Variants in FOXP2 observed in about 807,000 individuals in gnomAD.
FOXP2 encodes forkhead box P2, also known as forkhead box protein P2.
Under a neutral mutation model 115.8 loss-of-function variants are expected in FOXP2, and 12 were observed. That is an observed-to-expected ratio of 0.10 (90% confidence interval 0.07 to 0.17). The LOEUF is 0.17. Among genes scored for constraint, FOXP2 ranks in the 10% least tolerant of loss-of-function variants. The pLI is 1.00. For synonymous variants in FOXP2, 328 were observed against 297.7 expected (o/e 1.10, Z -1.05); for missense variants, 629 against 843.5 (o/e 0.75, Z 3.15).
intron 1 of FOXP2, among the ~76,000 whole-genome samples, chr7:114,229,892 G>T (rs1794832013): frequency 2.0e-5 from 3 of 151,118 alleles, no homozygotes; most frequent in South Asian, 4.2e-4. Flanking sequence ...AATCATGAAG[G>T]TTACAGCAGA....
chr7:114,617,709 C>T (rs1424555817), intron 3 of FOXP2, among the ~76,000 whole-genome samples: 5 of 152,302 alleles, frequency 3.3e-5, no homozygotes, highest in Non-Finnish European at 7.4e-5. Context: ...TGGAAAATTG[C>T]TTGAACCTGG....
At chr7:114,244,764 G>GT (rs1481282132) in intron 1 of FOXP2, among the ~76,000 whole-genome samples, 1 of 149,522 alleles carries the variant, frequency 6.7e-6, no homozygotes, top group Non-Finnish European at 1.5e-5. Flanking sequence ...TTCTAATAGT[G>GT]TTTTCTTTTT....
At chr7:114,099,865 G>T (rs1799739056) in intron 1 of FOXP2, among the ~76,000 whole-genome samples, 1 of 152,054 alleles carries the variant, frequency 6.6e-6, no homozygotes, top group Non-Finnish European at 1.5e-5. Context: ...CAACATGAGG[G>T]TTTTGGGTAA....
chr7:114,681,375 A>G (rs920750873), intron 16 of FOXP2, among the ~76,000 whole-genome samples: 1 of 152,144 alleles, frequency 6.6e-6, no homozygotes, highest in African/African-American at 2.4e-5. Flanking sequence ...ACATCTCTTA[A>G]CATTTTCATT....
chr7:114,487,660 C>G (rs924429777), intron 2 of FOXP2, among the ~76,000 whole-genome samples: 1 of 152,178 alleles, frequency 6.6e-6, no homozygotes, highest in African/African-American at 2.4e-5. Context: ...CCCAAATCAT[C>G]TCTCAAGTTC....
intron 1 of FOXP2, among the ~76,000 whole-genome samples, chr7:114,244,264 G>T (rs938424285): frequency 6.6e-6 from 1 of 152,074 alleles, no homozygotes; most frequent in African/African-American, 2.4e-5. Context: ...CAATAAATGA[G>T]CTAATCTTGA....
At chr7:114,409,081 G>A (rs1793104506) in intron 2 of FOXP2, among the ~76,000 whole-genome samples, 1 of 152,050 alleles carries the variant, frequency 6.6e-6, no homozygotes, top group African/African-American at 2.4e-5. Context: ...TAGAACTTCT[G>A]GTGCTAGTAT....
At chr7:114,459,065 T>C (rs1795446171) in intron 2 of FOXP2, among the ~76,000 whole-genome samples, 1 of 152,160 alleles carries the variant, frequency 6.6e-6, no homozygotes, top group African/African-American at 2.4e-5. Flanking sequence ...TTCCCAATGT[T>C]GTCTCTCATT....
At chr7:114,304,140 A>G (rs1285614033) in intron 2 of FOXP2, among the ~76,000 whole-genome samples, 1 of 152,122 alleles carries the variant, frequency 6.6e-6, no homozygotes, top group Non-Finnish European at 1.5e-5. Context: ...GTGACCTAGT[A>G]TTTGTGGCCA....
intron 2 of FOXP2, among the ~76,000 whole-genome samples, chr7:114,498,111 C>A (rs370671395): frequency 6.6e-6 from 1 of 152,066 alleles, no homozygotes; most frequent in African/African-American, 2.4e-5. Context: ...TCTCAGAATC[C>A]GTTGCTTAGT....
chr7:114,145,319 A>G (rs1792333995), intron 1 of FOXP2, among the ~76,000 whole-genome samples: 1 of 152,188 alleles, frequency 6.6e-6, no homozygotes, highest in Non-Finnish European at 1.5e-5. Flanking sequence ...TGATCAATAA[A>G]TCTTCCATTT....
At chr7:114,123,586 A>G (rs1791625958) in intron 1 of FOXP2, among the ~76,000 whole-genome samples, 1 of 152,086 alleles carries the variant, frequency 6.6e-6, no homozygotes, top group South Asian at 2.1e-4. Context: ...GGGATGATTA[A>G]CAGTGTAGTT....
intron 2 of FOXP2, among the ~76,000 whole-genome samples, chr7:114,314,433 G>A (rs2129180531): frequency 6.6e-6 from 1 of 152,160 alleles, no homozygotes; most frequent in South Asian, 2.1e-4. Context: ...GACAGCATGG[G>A]TAGTGTATGG....
chr7:114,227,087 A>C (rs1028852084), intron 1 of FOXP2, among the ~76,000 whole-genome samples: 2 of 152,138 alleles, frequency 1.3e-5, no homozygotes, highest in Non-Finnish European at 2.9e-5. Context: ...AGTCAAACAA[A>C]TTTTAATAAA....
At chr7:114,664,070 T>C (rs1251415208) in intron 15 of FOXP2, among the ~76,000 whole-genome samples, 2 of 152,162 alleles carry the variant, frequency 1.3e-5, no homozygotes, top group African/African-American at 4.8e-5. Flanking sequence ...GCAAGGACGA[T>C]TGTTTATATT....
intron 3 of FOXP2, among the ~76,000 whole-genome samples, chr7:114,594,305 A>G (rs886776071): frequency 2.6e-5 from 4 of 151,990 alleles, no homozygotes; most frequent in Non-Finnish European, 5.9e-5. Context: ...GAGAGGTTCT[A>G]TTTAGGTGAA....
intron 8 of FOXP2, 77 bp from the exon 9 acceptor site, chr7:114,652,126 A>T (rs930041706): frequency 4.6e-6 from 6 of 1,306,552 alleles, no homozygotes; most frequent in Middle Eastern, 1.8e-4. Flanking sequence ...ACTTCAGTGT[A>T]GTGCTTTTTA....
intron 2 of FOXP2, among the ~76,000 whole-genome samples, chr7:114,523,141 A>G (rs1447794002): frequency 6.6e-6 from 1 of 152,108 alleles, no homozygotes; most frequent in African/African-American, 2.4e-5. Flanking sequence ...AATTTACATT[A>G]CCCTGTAAAA....
chr7:114,389,757 C>T (rs1792541172), intron 2 of FOXP2, among the ~76,000 whole-genome samples: 1 of 152,130 alleles, frequency 6.6e-6, no homozygotes, highest in African/African-American at 2.4e-5. Flanking sequence ...GGCGCAGTGG[C>T]TCATGCCTGT....
Sources: gnomAD v4.1 joint callset for allele counts (sites outside exome capture counted in the v4.1 genomes callset) on GRCh38, gnomAD v4.1.1 for gene constraint, MANE v1.5 for transcripts, NCBI Gene and HGNC (gene_info 2026-07-23, HGNC 2026-07-21) for gene names.